Variants in FOXL2NB observed in about 807,000 individuals in gnomAD.
The protein encoded by FOXL2NB is FOXL2 neighbor protein.
A neutral mutation model predicts 7.4 loss-of-function variants in FOXL2NB; 10 were observed. The observed-to-expected ratio is 1.34, with a 90% CI of 0.83 to 2.28. The LOEUF (loss-of-function observed/expected upper bound fraction) is 2.28, where lower values mean the gene tolerates loss of function less well. FOXL2NB is among the 30% of genes most tolerant of loss of function. The pLI, the probability that FOXL2NB is intolerant of heterozygous loss-of-function variation, is 0.00. For missense variants in FOXL2NB, 228 were observed against 233.9 expected (o/e 0.97, Z 0.17); for synonymous variants, 104 against 105.3 (o/e 0.99, Z 0.08).
chr3:138,947,249 C>A lies in FOXL2NB; in HGVS notation c.-116C>A. ...TCTCCAAGTCACTTTTTGTAAACGC[C>A]CCGCACAGCCTGGACCGGCCTGCCC... On this transcript the variant is annotated 5_prime_UTR_variant, in exon 1 of 3. Transcript: ENST00000383165. The surrounding 1 kb of genome is among the most constrained non-coding windows in gnomAD (Gnocchi z 5.2). 5 of 806,408 alleles carry A rather than the reference C, an allele frequency of 6.2e-6. No homozygotes were observed. Among genetic ancestry groups the A allele is most frequent in the Non-Finnish European group, 9.7e-6 (5 of 515,316 alleles). 50.0% of individuals were successfully genotyped at this position (806,408 alleles called of 1,614,324 possible). A position where few individuals can be genotyped will look rare whatever the true frequency, so the allele number is the denominator to read the frequency against.
rs1443419290 is a variant in FOXL2NB at position 138,952,481 on chromosome 3, GTGTA to G, written c.*1913_*1916del. The G allele has an allele frequency of 1.3e-5, 2 of 151,622 alleles. No homozygotes were observed. Among genetic ancestry groups the G allele is most frequent in the Non-Finnish European group, 2.9e-5 (2 of 68,196 alleles). The allele number at this position is 151,622 out of a possible 1,614,324, so 9.4% of individuals were successfully genotyped here. A position where few individuals can be genotyped will look rare whatever the true frequency, so the allele number is the denominator to read the frequency against. On this transcript the variant is annotated 3_prime_UTR_variant, in exon 3 of 3. Coordinates refer to ENST00000383165, the MANE Select transcript of FOXL2NB (RefSeq NM_001040061.3). Reference sequence around the variant, plus strand: ...TGTGTGTGTGTGTGTGTATGTGTGTGTGTATGTGTGCACTATAACTTTATGAAAC... The same window carrying G: ...TGTGTGTGTGTGTGTGTATGTGTGTGTGTGTGCACTATAACTTTATGAAAC...
chr3:138,947,698 G>A lies in FOXL2NB; in HGVS notation c.100+234G>A. On this transcript the variant is annotated intron_variant, in intron 1 of 2. Transcript: ENST00000383165. This position sits in a 1 kb window ranked among gnomAD's most constrained non-coding sequence, Gnocchi z 5.2. ...GACTGGGCTGGAATGGGGCAGGGGA[G>A]AGGATCTCTGGAAATAGTCGTCAGG... 1 of 1,271,986 alleles carries A rather than the reference G, an allele frequency of 7.9e-7. No individual in the cohort carries two copies. Among genetic ancestry groups the A allele is most frequent in the East Asian group, 3.4e-5 (1 of 29,312 alleles). The allele number at this position is 1,271,986 out of a possible 1,614,324, so 78.8% of individuals were successfully genotyped here.
rs573501540 is a variant in FOXL2NB at position 138,951,021 on chromosome 3, C to A, written c.*449C>A. The A allele has an allele frequency of 1.4e-4, 27 of 195,002 alleles. 1 individual carries two copies. The South Asian group carries it at 2.5e-3, about 18-fold the overall frequency. The allele number at this position is 195,002 out of a possible 1,614,324, so 12.1% of individuals were successfully genotyped here. A position where few individuals can be genotyped will look rare whatever the true frequency, so the allele number is the denominator to read the frequency against. On this transcript the variant is annotated 3_prime_UTR_variant, in exon 3 of 3. Coordinates refer to ENST00000383165, the MANE Select transcript of FOXL2NB (RefSeq NM_001040061.3). ...CATGATGGGACTGCCGCACAGACCA[C>A]AGAGAAGCTCAGGTACTGAGCACGT... is the stretch of plus-strand genomic sequence containing the variant.
In FOXL2NB at chr3:138,947,761, C is replaced by T; in HGVS notation, c.100+297C>T. 8.8e-7 allele frequency: 1 copy of T among 1,135,110 alleles called. No individual in the cohort carries two copies. The highest frequency in any genetic ancestry group is 1.1e-6 in the Non-Finnish European group (1 of 925,334). The allele number at this position is 1,135,110 out of a possible 1,614,324, so 70.3% of individuals were successfully genotyped here. ...ATCACCTCTGCCTCTCCCTGCGTTA[C>T]CAGTGGATCTAGGAACCAGGAATCC... On this transcript the variant is annotated intron_variant, in intron 1 of 2. Coordinates refer to ENST00000383165, the MANE Select transcript of FOXL2NB (RefSeq NM_001040061.3). This position sits in a 1 kb window ranked among gnomAD's most constrained non-coding sequence, Gnocchi z 5.2.
chr3:138,952,077 C>A lies in FOXL2NB; in HGVS notation c.*1505C>A, dbSNP rs1180811611. 3 of 152,182 alleles carry A rather than the reference C, an allele frequency of 2.0e-5. No homozygotes were observed. The highest frequency in any genetic ancestry group is 7.2e-5 in the African/African-American group (3 of 41,430). The allele number at this position is 152,182 out of a possible 1,614,324, so 9.4% of individuals were successfully genotyped here. On this transcript the variant is annotated 3_prime_UTR_variant, in exon 3 of 3. Coordinates refer to ENST00000383165, the MANE Select transcript of FOXL2NB (RefSeq NM_001040061.3). Reference sequence around the variant, plus strand: ...ATAGCTGCATGGCCATGGTGCTGAACCTTAGGCAAGGGCAAGGACACCTCC... The same window carrying A: ...ATAGCTGCATGGCCATGGTGCTGAAACTTAGGCAAGGGCAAGGACACCTCC...
rs1936133926 is a variant in FOXL2NB at position 138,951,634 on chromosome 3, G to C, written c.*1062G>C. 1 of 152,372 alleles carries C rather than the reference G, an allele frequency of 6.6e-6. No individual in the cohort carries two copies. The highest frequency in any genetic ancestry group is 6.5e-5 in the Admixed American group (1 of 15,292). The allele number at this position is 152,372 out of a possible 1,614,324, so 9.4% of individuals were successfully genotyped here. ...GATGCTCTCAGAGGCGGATTCTAGGGTGGTGGGAGCTGCTGACAAGTTTCC... is the reference window on the plus strand; with the variant it reads ...GATGCTCTCAGAGGCGGATTCTAGGCTGGTGGGAGCTGCTGACAAGTTTCC... On this transcript the variant is annotated 3_prime_UTR_variant, in exon 3 of 3. Transcript: ENST00000383165.
rs1408485158 is a variant in FOXL2NB at position 138,947,489 on chromosome 3, C to T, written c.100+25C>T. On this transcript the variant is annotated intron_variant, in intron 1 of 2. Transcript: ENST00000383165. This position sits in a 1 kb window ranked among gnomAD's most constrained non-coding sequence, Gnocchi z 5.2. Reference sequence around the variant, plus strand: ...GGTGAAAGAAAACGACTCCTTTGCTCTGCCGTTTGCTGCCGTCTTGAGGCT... The same window carrying T: ...GGTGAAAGAAAACGACTCCTTTGCTTTGCCGTTTGCTGCCGTCTTGAGGCT... 1.3e-6 allele frequency: 2 copies of T among 1,524,282 alleles called. No homozygotes were observed. The highest frequency in any genetic ancestry group is 4.2e-5 in the Admixed American group (2 of 48,112). The allele number at this position is 1,524,282 out of a possible 1,614,324, so 94.4% of individuals were successfully genotyped here.
chr3:138,948,800 A>G (rs1001629364), intron 1 of FOXL2NB, among the ~76,000 whole-genome samples: 6 of 152,162 alleles, frequency 3.9e-5, no homozygotes, highest in African/African-American at 1.4e-4. Flanking sequence ...GAGGGAGGAC[A>G]AGGGTGGTAG....
Position 138,949,819 on chromosome 3 carries a change from G to A in FOXL2NB, c.220+180G>A. On this transcript the variant is annotated intron_variant, in intron 2 of 2. Coordinates refer to ENST00000383165, the MANE Select transcript of FOXL2NB (RefSeq NM_001040061.3). The surrounding 1 kb of genome is among the most constrained non-coding windows in gnomAD (Gnocchi z 4.5). ...CGGGCGCTCCAGGAAACGGTGCGGG[G>A]CGCCCTGATTTACTTCTCAACCTTC... is the stretch of plus-strand genomic sequence containing the variant. 1.2e-6 allele frequency: 1 copy of A among 862,874 alleles called. No homozygotes were observed. The highest frequency in any genetic ancestry group is 1.4e-5 in the South Asian group (1 of 70,862). 53.5% of individuals were successfully genotyped at this position (862,874 alleles called of 1,614,324 possible). A position where few individuals can be genotyped will look rare whatever the true frequency, so the allele number is the denominator to read the frequency against.
chr3:138,950,838 CA>C lies in FOXL2NB; in HGVS notation c.*267del, dbSNP rs945601720. On this transcript the variant is annotated 3_prime_UTR_variant, in exon 3 of 3. Transcript: ENST00000383165. ...GTGGAAAACATGTCAAGCCAATGTGCAGACCCTAAGGCTTTTCACACGCTGC... is the reference window on the plus strand; with the variant it reads ...GTGGAAAACATGTCAAGCCAATGTGCGACCCTAAGGCTTTTCACACGCTGC... 1 of 519,826 alleles carries C rather than the reference CA, an allele frequency of 1.9e-6. No individual in the cohort carries two copies. The highest frequency in any genetic ancestry group is 3.9e-5 in the Admixed American group (1 of 25,904). 32.2% of individuals were successfully genotyped at this position (519,826 alleles called of 1,614,324 possible). A position where few individuals can be genotyped will look rare whatever the true frequency, so the allele number is the denominator to read the frequency against.
chr3:138,947,442 C>G lies in FOXL2NB; in HGVS notation c.78C>G (p.Leu26=), dbSNP rs985685899. 15 of 1,546,030 alleles carry G rather than the reference C, an allele frequency of 9.7e-6. No homozygotes were observed. In the Admixed American group the frequency reaches 2.0e-4, roughly 20 times the overall value. ...RKLGPQRGKA[L]QASSRLSESP... ...TCGGGCCCCAGCGAGGAAAGGCGCT[C>G]CAAGCCTCCTCGCGGCTTTCAGGTG... The change falls in exon 1 of 3, where the codon CTC becomes CTG. Residue 26 remains leucine, a synonymous_variant. Transcript: ENST00000383165. The surrounding 1 kb of genome is among the most constrained non-coding windows in gnomAD (Gnocchi z 5.2).
At position 138,947,533 on chromosome 3, in the gene FOXL2NB, T is replaced by A; in HGVS notation, c.100+69T>A. On this transcript the variant is annotated intron_variant, in intron 1 of 2. Coordinates refer to ENST00000383165, the MANE Select transcript of FOXL2NB (RefSeq NM_001040061.3). This position sits in a 1 kb window ranked among gnomAD's most constrained non-coding sequence, Gnocchi z 5.2. Reference sequence around the variant, plus strand: ...TGAGGCTGAACTTCTAGCTCGGGGCTGGGGAGGGGCGAGACGGCGAGGGGG... The same window carrying A: ...TGAGGCTGAACTTCTAGCTCGGGGCAGGGGAGGGGCGAGACGGCGAGGGGG... 1 of 1,249,172 alleles carries A rather than the reference T, an allele frequency of 8.0e-7. No homozygotes were observed. Among genetic ancestry groups the A allele is most frequent in the Non-Finnish European group, 1.1e-6 (1 of 941,244 alleles). The allele number at this position is 1,249,172 out of a possible 1,614,324, so 77.4% of individuals were successfully genotyped here.
rs911684255 is a variant in FOXL2NB, at chr3:138,949,459, C to T, written c.101-61C>T. ...TGAAGGAGTTCCTCTGAAGGATTTTCAGAATAGAAAGGAGTTCTGCTCTGA... is the reference window on the plus strand; with the variant it reads ...TGAAGGAGTTCCTCTGAAGGATTTTTAGAATAGAAAGGAGTTCTGCTCTGA... On this transcript the variant is annotated intron_variant, in intron 1 of 2. Coordinates refer to ENST00000383165, the MANE Select transcript of FOXL2NB (RefSeq NM_001040061.3). This position sits in a 1 kb window ranked among gnomAD's most constrained non-coding sequence, Gnocchi z 4.5. The T allele has an allele frequency of 6.2e-7, 1 of 1,601,284 alleles. No individual in the cohort carries two copies. Among genetic ancestry groups the T allele is most frequent in the African/African-American group, 1.3e-5 (1 of 74,210 alleles).
rs182629365 is a variant in FOXL2NB, at chr3:138,949,289, G to A, written c.101-231G>A. 6.6e-6 allele frequency among the ~76,000 whole-genome samples: 1 copy of A among 152,024 alleles called. No homozygotes were observed. Among genetic ancestry groups the A allele is most frequent in the Non-Finnish European group, 1.5e-5 (1 of 67,998 alleles). On this transcript the variant is annotated intron_variant, in intron 1 of 2. Coordinates refer to ENST00000383165, the MANE Select transcript of FOXL2NB (RefSeq NM_001040061.3). The surrounding 1 kb of genome is among the most constrained non-coding windows in gnomAD (Gnocchi z 4.5). ...GGCATTTCCGCTGCTCAGCCCTGCA[G>A]CAGCCAGGTGTAACAGCATTGTTGT...
rs1197673015 is a variant in FOXL2NB, at chr3:138,950,431, C to CAGCTAGGAA, written c.387_388insAGCTAGGAA (p.Ser129_Pro130insSerTer). Reference sequence around the variant, plus strand: ...GCTGCCTGAACCAGGTTCCGCTGTCCCCTTTCCTAGCGGGACCCCGAAACA... The same window carrying CAGCTAGGAA: ...GCTGCCTGAACCAGGTTCCGCTGTCCAGCTAGGAACCTTTCCTAGCGGGACCCCGAAACA... On this transcript the variant is annotated stop_gained and inframe_insertion, in exon 3 of 3. Coordinates refer to ENST00000383165, the MANE Select transcript of FOXL2NB (RefSeq NM_001040061.3). LOFTEE classifies it low-confidence loss of function (END_TRUNC). 2.5e-6 allele frequency: 4 copies of CAGCTAGGAA among 1,613,860 alleles called. No homozygotes were observed. The highest frequency in any genetic ancestry group is 2.5e-6 in the Non-Finnish European group (3 of 1,180,022).
intron 1 of FOXL2NB, among the ~76,000 whole-genome samples, chr3:138,948,949 C>G (rs1292407825): frequency 6.6e-6 from 1 of 152,160 alleles, no homozygotes; most frequent in Non-Finnish European, 1.5e-5. Context: ...CCCACTGCAC[C>G]CAACAGACAT....
Position 138,949,721 on chromosome 3 carries a change from C to T in FOXL2NB, c.220+82C>T, listed in dbSNP as rs750013386. On this transcript the variant is annotated intron_variant, in intron 2 of 2. Coordinates refer to ENST00000383165, the MANE Select transcript of FOXL2NB (RefSeq NM_001040061.3). This position sits in a 1 kb window ranked among gnomAD's most constrained non-coding sequence, Gnocchi z 4.5. ...GCTTCTGCGGAAAAGCCAGGGGCTT[C>T]GGGCTGGAGATAGAGGAATCTAGGG... The T allele has an allele frequency of 1.9e-6, 3 of 1,587,970 alleles. No homozygotes were observed. The highest frequency in any genetic ancestry group is 1.7e-4 in the Middle Eastern group (1 of 6,014).
Position 138,950,358 on chromosome 3 carries a change from C to T in FOXL2NB, c.314C>T (p.Ala105Val), listed in dbSNP as rs2107748554. ...LLGKRRGCSE[A>V]GSASLEPLSS... is the part of the protein sequence containing the mutation. Reference sequence around the variant, plus strand: ...GGGAAGCGTCGCGGCTGCTCTGAGGCAGGCAGCGCTTCGCTAGAACCACTC... The same window carrying T: ...GGGAAGCGTCGCGGCTGCTCTGAGGTAGGCAGCGCTTCGCTAGAACCACTC... The change falls in exon 3 of 3, where the codon GCA (alanine) becomes GTA (valine). Residue 105 changes from alanine to valine, a missense_variant. Physicochemically the swap from Ala to Val is moderately conservative, Grantham distance 64. Coordinates refer to ENST00000383165, the MANE Select transcript of FOXL2NB (RefSeq NM_001040061.3). 6.2e-7 allele frequency: 1 copy of T among 1,611,874 alleles called. No individual in the cohort carries two copies. The highest frequency in any genetic ancestry group is 8.5e-7 in the Non-Finnish European group (1 of 1,179,716).
Position 138,949,234 on chromosome 3 carries a change from GTCTC to G in FOXL2NB, c.101-282_101-279del, listed in dbSNP as rs1936064237. Among the ~76,000 whole-genome samples, 1 of 151,260 alleles carries G rather than the reference GTCTC, an allele frequency of 6.6e-6. No individual in the cohort carries two copies. The highest frequency in any genetic ancestry group is 2.4e-5 in the African/African-American group (1 of 41,024). ...TTGACCACCCAGGCTGGCTCTCTGCGTCTCTCTGTCTTTCTTTCTTCTTCTCACA... is the reference window on the plus strand; with the variant it reads ...TTGACCACCCAGGCTGGCTCTCTGCGTCTGTCTTTCTTTCTTCTTCTCACA... On this transcript the variant is annotated intron_variant, in intron 1 of 2. Transcript: ENST00000383165. The surrounding 1 kb of genome is among the most constrained non-coding windows in gnomAD (Gnocchi z 4.5).
Sources: gnomAD v4.1 joint callset for allele counts (sites outside exome capture counted in the v4.1 genomes callset) on GRCh38, gnomAD v4.1.1 for gene constraint, Gnocchi (gnomAD v3.1) non-coding constraint, MANE v1.5 for transcripts, NCBI Gene and HGNC (gene_info 2026-07-23, HGNC 2026-07-21) for gene names.